Variants in PLPPR1 observed in about 807,000 individuals in gnomAD.
PLPPR1 encodes phospholipid phosphatase-related protein type 1.
In PLPPR1, 10 loss-of-function variants were observed where a neutral mutation model predicts 33.1. The observed-to-expected ratio is 0.30, with a 90% CI of 0.19 to 0.51. The LOEUF (loss-of-function observed/expected upper bound fraction) is 0.51, where lower values mean the gene tolerates loss of function less well. Among genes scored for constraint, PLPPR1 ranks in the 20% least tolerant of loss-of-function variants. The pLI, the probability that PLPPR1 is intolerant of heterozygous loss-of-function variation, is 0.97. For synonymous variants in PLPPR1, 151 were observed against 151.0 expected (o/e 1.00, Z 0.00); for missense variants, 304 against 408.1 (o/e 0.74, Z 2.20).
At chr9:101,255,006 T>C (rs1439972319) in intron 2 of PLPPR1, among the ~76,000 whole-genome samples, 1 of 152,202 alleles carries the variant, frequency 6.6e-6, no homozygotes, top group African/African-American at 2.4e-5. Context: ...GCATGGTGTT[T>C]CCATTTGCCT....
At chr9:101,156,979 T>G (rs561644306) in intron 1 of PLPPR1, among the ~76,000 whole-genome samples, 1 of 152,296 alleles carries the variant, frequency 6.6e-6, no homozygotes, top group Non-Finnish European at 1.5e-5. Context: ...ATGGTCCCAC[T>G]TATTACAGAA....
chr9:101,246,750 G>T (rs892953430), intron 2 of PLPPR1, among the ~76,000 whole-genome samples: 1 of 152,046 alleles, frequency 6.6e-6, no homozygotes, highest in African/African-American at 2.4e-5. Flanking sequence ...TATTTAGCTT[G>T]TATGTTGGTT....
At chr9:101,234,598 A>C (rs372544872) in intron 2 of PLPPR1, among the ~76,000 whole-genome samples, 21 of 152,006 alleles carry the variant, frequency 1.4e-4, no homozygotes, top group East Asian at 1.2e-3. Context: ...ATAAGGGCTT[A>C]AGTTGAGATA....
chr9:101,291,491 G>C (rs1378877371), intron 4 of PLPPR1, among the ~76,000 whole-genome samples: 3 of 152,204 alleles, frequency 2.0e-5, no homozygotes, highest in Non-Finnish European at 4.4e-5. Context: ...GCCTCCTCAA[G>C]TGGGTCCCTG....
At chr9:101,164,064 C>T (rs1450360155) in intron 1 of PLPPR1, among the ~76,000 whole-genome samples, 5 of 152,146 alleles carry the variant, frequency 3.3e-5, no homozygotes, top group Admixed American at 3.3e-4. Context: ...GTAAACTAAC[C>T]ATCATCCAGA....
At chr9:101,100,711 TG>T (rs1751731446) in intron 1 of PLPPR1, among the ~76,000 whole-genome samples, 1 of 151,678 alleles carries the variant, frequency 6.6e-6, no homozygotes, top group Non-Finnish European at 1.5e-5. Context: ...TGTGTGTGTG[TG>T]TGTGTGTGTG....
chr9:101,203,834 A>AT (rs899511527), intron 2 of PLPPR1, among the ~76,000 whole-genome samples: 1 of 147,964 alleles, frequency 6.8e-6, no homozygotes, highest in African/African-American at 2.5e-5. Flanking sequence ...TGATTTGCAA[A>AT]TTTTTTTTCT....
rs141985532 is a variant in PLPPR1, at chr9:101,254,562, G to C, written c.64-15318G>C. On this transcript the variant is annotated intron_variant, in intron 2 of 7. Transcript: ENST00000374874. ...CCCTGATCTAGATTATACTACATAG[G>C]GTGAATGCTGGCTCTTCCATGCTGT... Among the ~76,000 whole-genome samples the C allele has an allele frequency of 1.4e-4, 21 of 152,098 alleles. No homozygotes were observed. The East Asian group carries it at 3.5e-3, about 25-fold the overall frequency.
intron 4 of PLPPR1, among the ~76,000 whole-genome samples, chr9:101,296,451 A>G (rs1828640911): frequency 6.6e-6 from 1 of 151,738 alleles, no homozygotes; most frequent in South Asian, 2.1e-4. Flanking sequence ...ATTACTGGGT[A>G]TATACCCAAA....
chr9:101,141,614 T>C (rs1180576196), intron 1 of PLPPR1, among the ~76,000 whole-genome samples: 1 of 152,186 alleles, frequency 6.6e-6, no homozygotes. Flanking sequence ...TTTAAAAACA[T>C]TTATTGAACA....
chr9:101,197,876 CAT>C (rs1826426242), intron 2 of PLPPR1, among the ~76,000 whole-genome samples: 2 of 152,184 alleles, frequency 1.3e-5, no homozygotes, highest in Admixed American at 1.3e-4. Context: ...GATCCAAAGA[CAT>C]ATCATTTCTC....
intron 1 of PLPPR1, among the ~76,000 whole-genome samples, chr9:101,050,617 T>C (rs768761519): frequency 5.9e-5 from 9 of 152,124 alleles, no homozygotes; most frequent in African/African-American, 1.4e-4. Context: ...TGGAGTAGGA[T>C]AGAACATGCA....
intron 1 of PLPPR1, among the ~76,000 whole-genome samples, chr9:101,099,634 A>C (rs1387250499): frequency 6.6e-6 from 1 of 152,108 alleles, no homozygotes; most frequent in South Asian, 2.1e-4. Flanking sequence ...TAGTGCTTAC[A>C]TTGTATTAGG....
intron 2 of PLPPR1, among the ~76,000 whole-genome samples, chr9:101,213,509 T>C (rs535892450): frequency 6.6e-6 from 1 of 152,184 alleles, no homozygotes; most frequent in Non-Finnish European, 1.5e-5. Context: ...CATTTTTCAA[T>C]GTCAACTTTA....
chr9:101,223,336 C>A (rs79830488), intron 2 of PLPPR1, among the ~76,000 whole-genome samples: 37 of 144,974 alleles, frequency 2.6e-4, no homozygotes, highest in South Asian at 8.8e-4. Flanking sequence ...ACCCTGTTTC[C>A]AAAAAAAAAA....
chr9:101,163,934 T>C (rs1366085903), intron 1 of PLPPR1, among the ~76,000 whole-genome samples: 1 of 152,142 alleles, frequency 6.6e-6, no homozygotes, highest in African/African-American at 2.4e-5. Flanking sequence ...CGTCATTGAA[T>C]GTATCTTGGT....
chr9:101,278,795 G>A (rs1828243578), intron 3 of PLPPR1, among the ~76,000 whole-genome samples: 1 of 152,174 alleles, frequency 6.6e-6, no homozygotes. Context: ...CCGCTGGCTT[G>A]ACTTCAGTGT....
intron 3 of PLPPR1, among the ~76,000 whole-genome samples, chr9:101,284,854 G>T (rs540475546): frequency 6.6e-6 from 1 of 152,294 alleles, no homozygotes; most frequent in South Asian, 2.1e-4. Context: ...GTACAGCAAA[G>T]ATGATCATCT....
chr9:101,041,398 C>T (rs545697765), intron 1 of PLPPR1, among the ~76,000 whole-genome samples: 2 of 152,234 alleles, frequency 1.3e-5, no homozygotes, highest in Admixed American at 1.3e-4. Flanking sequence ...ACAAAATAAG[C>T]AAATGCGACA....
Sources: gnomAD v4.1 joint callset for allele counts (sites outside exome capture counted in the v4.1 genomes callset) on GRCh38, gnomAD v4.1.1 for gene constraint, MANE v1.5 for transcripts, NCBI Gene and HGNC (gene_info 2026-07-23, HGNC 2026-07-21) for gene names.